VPS13B: variants seen among roughly 807,000 people sequenced by gnomAD.
VPS13B encodes intermembrane lipid transfer protein VPS13B.
In VPS13B, 285 loss-of-function variants were observed where a neutral mutation model predicts 426.4. The ratio of observed to expected loss-of-function variants is 0.67; its 90% CI spans 0.61 to 0.74. The LOEUF is 0.74. Ranked by LOEUF, VPS13B falls within the 30% of genes least tolerant of loss-of-function variation. VPS13B has a pLI of 0.00. For synonymous variants in VPS13B, 1,676 were observed against 1,676.4 expected (o/e 1.00, Z 0.01); for missense variants, 4,537 against 4,782.6 (o/e 0.95, Z 1.51).
chr8:99,746,419 G>T (rs554456906), intron 39 of VPS13B, among the ~76,000 whole-genome samples: 4 of 152,056 alleles, frequency 2.6e-5, no homozygotes, highest in South Asian at 2.1e-4. Flanking sequence ...ACTATGGTTT[G>T]TCAGCAATTT....
chr8:99,121,726 T>A, intron 8 of VPS13B: 1 of 609,654 alleles, frequency 1.6e-6, no homozygotes. Context: ...CAAACATGCC[T>A]TAATATTGTC....
chr8:99,575,968 A>G (rs1266656868), intron 32 of VPS13B, among the ~76,000 whole-genome samples, 184 bp downstream of exon 32: 2 of 152,172 alleles, frequency 1.3e-5, no homozygotes, highest in Non-Finnish European at 2.9e-5. Flanking sequence ...TTTCCTTGTA[A>G]TAACTCATTT....
intron 2 of VPS13B, among the ~76,000 whole-genome samples, chr8:99,016,319 C>G (rs1256512844): frequency 3.3e-5 from 5 of 152,166 alleles, no homozygotes; most frequent in African/African-American, 1.2e-4. Flanking sequence ...GTGGTTATAT[C>G]AATTCCAGTC....
At position 99,511,518 on chromosome 8, in the gene VPS13B, G is replaced by A. The variant is rs1432715566; in HGVS notation, c.4633+6G>A. ...AATGCAGCCAACTGTTGAAGGTATT[G>A]TCTTCTGATTTTTTTTGTCTGATTT... On this transcript the variant is annotated splice_donor_region_variant and intron_variant, in intron 29 of 61. Transcript: ENST00000357162. The A allele has an allele frequency of 1.2e-6, 2 of 1,608,982 alleles. No homozygotes were observed. Among genetic ancestry groups the A allele is most frequent in the Non-Finnish European group, 1.7e-6 (2 of 1,178,738 alleles).
At chr8:99,136,577 A>G in intron 11 of VPS13B, 88 bp from the exon 12 acceptor site, 1 of 1,258,254 alleles carries the variant, frequency 7.9e-7, no homozygotes, top group Non-Finnish European at 1.2e-6. Flanking sequence ...TACATTCTAT[A>G]TAAAGATATG....
rs2130858506 is a variant in VPS13B at position 99,832,650 on chromosome 8, C to G, written c.9612C>G (p.Thr3204=). ...LGNFRENGFC[T]RAIVLTYQEH... ...ATTTCCGGGAAAATGGATTCTGTAC[C>G]AGGTATTTTATGTTTATATAAATGT... Residue 3204 remains threonine (T), a splice_region_variant and synonymous_variant, in exon 52 of 62, where the codon ACC becomes ACG. Transcript: ENST00000357162. 2 of 1,613,414 alleles carry G rather than the reference C, an allele frequency of 1.2e-6. No homozygotes were observed. Among genetic ancestry groups the G allele is most frequent in the Non-Finnish European group, 1.7e-6 (2 of 1,179,994 alleles).
chr8:99,532,934 A>AG, intron 30 of VPS13B, among the ~76,000 whole-genome samples: 1 of 146,986 alleles, frequency 6.8e-6, no homozygotes, highest in Non-Finnish European at 1.5e-5. Flanking sequence ...CAATTCACTG[A>AG]GGGGTGTTTT....
intron 18 of VPS13B, among the ~76,000 whole-genome samples, chr8:99,274,824 A>G (rs1012332070): frequency 6.6e-6 from 1 of 152,166 alleles, no homozygotes; most frequent in Admixed American, 6.5e-5. Flanking sequence ...ATTTCATTTA[A>G]TTTTTAGAAG....
intron 3 of VPS13B, among the ~76,000 whole-genome samples, chr8:99,051,164 G>A (rs1843527757): frequency 6.6e-6 from 1 of 152,144 alleles, no homozygotes; most frequent in South Asian, 2.1e-4. Context: ...ATGGTTTTAG[G>A]TCTAACATTT....
intron 23 of VPS13B, among the ~76,000 whole-genome samples, chr8:99,450,595 C>T (rs1037612759): frequency 6.6e-6 from 1 of 152,104 alleles, no homozygotes; most frequent in African/African-American, 2.4e-5. Flanking sequence ...CGCCTGTAGT[C>T]CCAGCTACTC....
At chr8:99,096,490 TCATGC>T in intron 4 of VPS13B, 58 bp downstream of exon 4, 1 of 1,605,680 alleles carries the variant, frequency 6.2e-7, no homozygotes, top group Non-Finnish European at 8.5e-7. Context: ...GCATGGTGGC[TCATGC>T]CTGTAATCCC....
In VPS13B at chr8:99,624,456, G is replaced by A. The variant is rs1055890003; in HGVS notation, c.5221-17355G>A. Among the ~76,000 whole-genome samples, 5 of 152,112 alleles carry A rather than the reference G, an allele frequency of 3.3e-5. No homozygotes were observed. The East Asian group carries it at 9.6e-4, about 29-fold the overall frequency. On this transcript the variant is annotated intron_variant, in intron 33 of 61. Coordinates refer to ENST00000357162, the MANE Select transcript of VPS13B (RefSeq NM_152564.5). ...TAGTTGGAAGAGGTGAATAATGGTTGCATCATTTTCCTGGTAGGTGTAGCC... is the reference window on the plus strand; with the variant it reads ...TAGTTGGAAGAGGTGAATAATGGTTACATCATTTTCCTGGTAGGTGTAGCC...
At chr8:99,216,176 G>A (rs1366734748) in intron 17 of VPS13B, among the ~76,000 whole-genome samples, 1 of 152,136 alleles carries the variant, frequency 6.6e-6, no homozygotes, top group African/African-American at 2.4e-5. Flanking sequence ...GGCACATCAT[G>A]TGCTACAATT....
chr8:99,835,838 A>C (rs1381438090), intron 54 of VPS13B, 100 bp downstream of exon 54: 16 of 1,203,500 alleles, frequency 1.3e-5, no homozygotes, highest in Non-Finnish European at 1.9e-5. Context: ...TAAATGCTGA[A>C]CATCTTTTCT....
At chr8:99,667,024 T>C (rs1225523456) in intron 35 of VPS13B, among the ~76,000 whole-genome samples, 1 of 152,224 alleles carries the variant, frequency 6.6e-6, no homozygotes, top group Non-Finnish European at 1.5e-5. Context: ...ATGTCCATGC[T>C]GTAATAGTGA....
At chr8:99,267,492 G>A (rs1588190685) in intron 17 of VPS13B, among the ~76,000 whole-genome samples, 1 of 152,154 alleles carries the variant, frequency 6.6e-6, no homozygotes, top group Admixed American at 6.5e-5. Flanking sequence ...CACTTTGGGA[G>A]GCTGAGGTGG....
intron 39 of VPS13B, among the ~76,000 whole-genome samples, chr8:99,740,680 A>C (rs1809666962): frequency 6.6e-6 from 1 of 152,214 alleles, no homozygotes; most frequent in Admixed American, 6.5e-5. Context: ...AACATTCTTA[A>C]AGAAAAGAAT....
intron 43 of VPS13B, 107 bp downstream of exon 43, chr8:99,784,583 A>G (rs1812170128): frequency 1.4e-6 from 2 of 1,445,770 alleles, no homozygotes; most frequent in African/African-American, 2.8e-5. Context: ...CTCCGAAGGA[A>G]CCACACAGCG....
chr8:99,083,280 A>G (rs894295049), intron 3 of VPS13B, among the ~76,000 whole-genome samples: 1 of 152,136 alleles, frequency 6.6e-6, no homozygotes, highest in African/African-American at 2.4e-5. Context: ...GTGTATAGGA[A>G]TGCTTGTGAT....
Sources: allele counts gnomAD v4.1 joint callset (sites outside exome capture counted in the v4.1 genomes callset), GRCh38; gene constraint gnomAD v4.1.1; transcripts MANE v1.5; gene names NCBI Gene and HGNC (gene_info 2026-07-23, HGNC 2026-07-21).